PCDHA10: variants seen among roughly 807,000 people sequenced by gnomAD.
PCDHA10 encodes protocadherin alpha 10.
A neutral mutation model predicts 61.2 loss-of-function variants in PCDHA10; 45 were observed. The ratio of observed to expected loss-of-function variants is 0.74; its 90% CI spans 0.58 to 0.94. The LOEUF is 0.94. PCDHA10 is among the 40% of genes least tolerant of loss of function. The probability of loss-of-function intolerance (pLI) is 0.00; values close to 1 mark genes in which losing one functional copy is unlikely to be tolerated. For missense variants in PCDHA10, 1,278 were observed against 1,236.2 expected, an observed-to-expected ratio of 1.03 and a Z score of -0.51; for synonymous variants, 602 against 548.8, an observed-to-expected ratio of 1.10 and a Z score of -1.35.
At chr5:140,958,290 T>C (rs1554223401) in intron 1 of PCDHA10, among the ~76,000 whole-genome samples, 1 of 152,154 alleles carries the variant, frequency 6.6e-6, no homozygotes, top group Non-Finnish European at 1.5e-5. Context: ...TTAAATATTA[T>C]TGAACTTAAT....
intron 1 of PCDHA10, among the ~76,000 whole-genome samples, chr5:140,916,590 G>A (rs1022726274): frequency 2.0e-5 from 3 of 152,182 alleles, no homozygotes; most frequent in Non-Finnish European, 4.4e-5. Flanking sequence ...CCATGAGCTA[G>A]GGCCTGGAAT....
intron 1 of PCDHA10, among the ~76,000 whole-genome samples, chr5:140,943,500 G>T (rs907493905): frequency 6.6e-6 from 1 of 152,048 alleles, no homozygotes; most frequent in Non-Finnish European, 1.5e-5. Flanking sequence ...TGCTATCAAG[G>T]TTCATGGAAA....
At chr5:140,982,218 G>A (rs1054533925) in intron 2 of PCDHA10, 11 of 523,574 alleles carry the variant, frequency 2.1e-5, no homozygotes, top group African/African-American at 7.7e-5. Context: ...GCCACATGGC[G>A]TTAATAAAAA....
rs782492418 is a variant in PCDHA10 at position 140,858,271 on chromosome 5, C to T, written c.2223C>T (p.Ser741=). Residue 741 remains serine, a synonymous_variant, in exon 1 of 4, where the codon AGC becomes AGT. Coordinates refer to ENST00000307360, the MANE Select transcript of PCDHA10 (RefSeq NM_018901.4). ...GPVKPTLVCS[S]AVGSWSYSQQ... ...TGAAGCCCACGCTGGTGTGCTCTAGCGCGGTGGGGAGCTGGTCTTACTCGC... is the reference window on the plus strand; with the variant it reads ...TGAAGCCCACGCTGGTGTGCTCTAGTGCGGTGGGGAGCTGGTCTTACTCGC... 2.3e-5 allele frequency: 37 copies of T among 1,597,010 alleles called. 3 individuals are homozygous for T. The highest frequency in any genetic ancestry group is 8.4e-5 in the Admixed American group (5 of 59,172).
chr5:140,877,375 C>T (rs782650940), intron 1 of PCDHA10: 4 of 1,614,006 alleles, frequency 2.5e-6, no homozygotes, highest in South Asian at 1.1e-5. Flanking sequence ...CAGCACGACA[C>T]GCATCCTGGA....
At chr5:140,904,116 T>C (rs1233566335) in intron 1 of PCDHA10, among the ~76,000 whole-genome samples, 3 of 152,180 alleles carry the variant, frequency 2.0e-5, no homozygotes, top group African/African-American at 7.2e-5. Context: ...TTGCTGAGAT[T>C]TTGGTGCACC....
chr5:140,939,710 T>A (rs1317905162), intron 1 of PCDHA10, among the ~76,000 whole-genome samples: 8 of 152,230 alleles, frequency 5.3e-5, no homozygotes, highest in Non-Finnish European at 1.2e-4. Context: ...ATTTGTGAGA[T>A]ACATTTATAT....
At chr5:140,988,545 T>C (rs1164667441) in intron 3 of PCDHA10, among the ~76,000 whole-genome samples, 1 of 152,150 alleles carries the variant, frequency 6.6e-6, no homozygotes, top group African/African-American at 2.4e-5. Context: ...ATTCATGACT[T>C]TCTTCATCTT....
intron 1 of PCDHA10, chr5:140,884,061 A>G: frequency 1.2e-6 from 2 of 1,613,342 alleles, no homozygotes; most frequent in Non-Finnish European, 1.7e-6. Flanking sequence ...CGCGCGGTGG[A>G]CGCCGATTCG....
At chr5:140,863,267 C>A in intron 1 of PCDHA10, 4 of 1,457,908 alleles carry the variant, frequency 2.7e-6, no homozygotes, top group Non-Finnish European at 2.8e-6. Context: ...CGGGAGGCAG[C>A]GCTGGTGGAT....
chr5:140,887,222 G>A (rs1406254180), intron 1 of PCDHA10, among the ~76,000 whole-genome samples: 1 of 151,284 alleles, frequency 6.6e-6, no homozygotes, highest in Non-Finnish European at 1.5e-5. Flanking sequence ...TCAGCCTCCC[G>A]AGTAGCTGAG....
intron 1 of PCDHA10, chr5:140,884,122 G>C: frequency 1.2e-6 from 2 of 1,613,306 alleles, no homozygotes. Flanking sequence ...CGGTCGGCGC[G>C]CGCATCCCGT....
intron 1 of PCDHA10, among the ~76,000 whole-genome samples, chr5:140,915,554 G>A (rs1276502641): frequency 6.6e-6 from 1 of 152,036 alleles, no homozygotes; most frequent in Non-Finnish European, 1.5e-5. Context: ...ATAAGATCCA[G>A]AATGATTATC....
intron 1 of PCDHA10, among the ~76,000 whole-genome samples, chr5:140,893,945 A>T (rs1293077869): frequency 6.6e-6 from 1 of 152,180 alleles, no homozygotes; most frequent in Non-Finnish European, 1.5e-5. Flanking sequence ...TTAATTCTGC[A>T]TGACTTTATT....
chr5:140,996,659 T>C (rs2097736809), intron 3 of PCDHA10, among the ~76,000 whole-genome samples: 1 of 152,230 alleles, frequency 6.6e-6, no homozygotes, highest in Non-Finnish European at 1.5e-5. Context: ...GGGTGCAGGC[T>C]AGTTTTTGAA....
chr5:141,008,040 T>C (rs1408807855), intron 3 of PCDHA10, among the ~76,000 whole-genome samples: 1 of 152,200 alleles, frequency 6.6e-6, no homozygotes, highest in Admixed American at 6.5e-5. Context: ...ATCTGCCTTT[T>C]GTAACAGGGG....
chr5:140,918,918 C>T (rs1338973615), intron 1 of PCDHA10, among the ~76,000 whole-genome samples: 1 of 152,224 alleles, frequency 6.6e-6, no homozygotes, highest in Non-Finnish European at 1.5e-5. Context: ...ATTAACTACA[C>T]AGCATATGGC....
intron 3 of PCDHA10, among the ~76,000 whole-genome samples, chr5:140,998,401 CA>C (rs2097811473): frequency 6.6e-6 from 1 of 152,108 alleles, no homozygotes; most frequent in African/African-American, 2.4e-5. Context: ...ATCTTTATGC[CA>C]AAGTTTATCT....
chr5:141,008,731 A>G (rs570212555), intron 3 of PCDHA10, among the ~76,000 whole-genome samples: 88 of 152,328 alleles, frequency 5.8e-4, no homozygotes, highest in Non-Finnish European at 1.0e-3. Flanking sequence ...GTCCAACTAG[A>G]CTGTGAGCAC....
Sources: gnomAD v4.1 joint callset for allele counts (sites outside exome capture counted in the v4.1 genomes callset) on GRCh38, gnomAD v4.1.1 for gene constraint, MANE v1.5 for transcripts, NCBI Gene and HGNC (gene_info 2026-07-23, HGNC 2026-07-21) for gene names.